The following AUTS2 variants were observed in gnomAD, a reference collection of about 807,000 sequenced individuals.
The protein encoded by AUTS2 is activator of transcription and developmental regulator AUTS2, also known as autism susceptibility gene 2 protein.
AUTS2 carries 17 observed loss-of-function variants against 112.4 expected under a neutral mutation model. The observed-to-expected ratio is 0.15, with a 90% confidence interval of 0.10 to 0.23. The LOEUF (loss-of-function observed/expected upper bound fraction) is 0.23. Among genes scored for constraint, AUTS2 ranks in the 10% least tolerant of loss-of-function variants. The probability of loss-of-function intolerance (pLI) is 1.00; values close to 1 mark genes in which losing one functional copy is unlikely to be tolerated. For missense variants in AUTS2, 1,510 were observed against 1,701.6 expected, an observed-to-expected ratio of 0.89 and a Z score of 1.98; for synonymous variants, 751 against 702.7, an observed-to-expected ratio of 1.07 and a Z score of -1.09.
chr7:70,025,690 T>A (rs1563048746), intron 2 of AUTS2, among the ~76,000 whole-genome samples: 1 of 151,534 alleles, frequency 6.6e-6, no homozygotes, highest in Non-Finnish European at 1.5e-5. Context: ...TCCTGATCTC[T>A]GGTGATCAGC....
At chr7:70,185,257 CTTTTTTTTTTTTTTTTT>C (rs35215443) in intron 4 of AUTS2, among the ~76,000 whole-genome samples, 2 of 87,090 alleles carry the variant, frequency 2.3e-5, no homozygotes, top group African/African-American at 4.6e-5. Flanking sequence ...TGACATTAAA[CTTTTTTTTTTTTTTTTT>C]TTTTTTTTTT....
chr7:70,499,373 A>C (rs1166809147), intron 5 of AUTS2, among the ~76,000 whole-genome samples: 1 of 152,214 alleles, frequency 6.6e-6, no homozygotes, highest in Non-Finnish European at 1.5e-5. Flanking sequence ...CAGCACATGC[A>C]AAGGCACAGA....
In AUTS2 at chr7:70,277,340, A is replaced by G. The variant is rs1233004666; in HGVS notation, c.660+142769A>G. On this transcript the variant is annotated intron_variant, in intron 4 of 18. Transcript: ENST00000342771. ...CTTCAGCAAGGTGAGAATGATAGATAAAGGATGGACTTTCCCCAAGAAACC... is the reference window on the plus strand; with the variant it reads ...CTTCAGCAAGGTGAGAATGATAGATGAAGGATGGACTTTCCCCAAGAAACC... Among the ~76,000 whole-genome samples, 3 of 152,230 alleles carry G rather than the reference A, an allele frequency of 2.0e-5. No homozygotes were observed. In the East Asian group the frequency reaches 5.8e-4, roughly 29 times the overall value.
At chr7:69,827,962 C>G (rs552791407) in intron 1 of AUTS2, among the ~76,000 whole-genome samples, 1 of 152,334 alleles carries the variant, frequency 6.6e-6, no homozygotes, top group African/African-American at 2.4e-5. Context: ...TTTGTAGAAA[C>G]TGCCATGCCT....
chr7:70,131,211 G>T (rs1169840572), intron 3 of AUTS2, among the ~76,000 whole-genome samples: 2 of 152,040 alleles, frequency 1.3e-5, no homozygotes, highest in Non-Finnish European at 2.9e-5. Context: ...CAACACTTGG[G>T]AAGCCGACAC....
chr7:70,040,767 A>G (rs537236351), intron 2 of AUTS2, among the ~76,000 whole-genome samples: 1 of 152,272 alleles, frequency 6.6e-6, no homozygotes, highest in East Asian at 1.9e-4. Flanking sequence ...GATACTCTCT[A>G]ATGGAGGTTA....
At chr7:70,473,748 C>T (rs905217902) in intron 5 of AUTS2, among the ~76,000 whole-genome samples, 3 of 151,056 alleles carry the variant, frequency 2.0e-5, no homozygotes, top group African/African-American at 7.3e-5. Context: ...GGAAGCGCCC[C>T]CCAGATGATG....
rs192251031 is a variant in AUTS2 at position 70,330,265 on chromosome 7, T to C, written c.661-105487T>C. 2.1e-3 allele frequency among the ~76,000 whole-genome samples: 316 copies of C among 152,366 alleles called. 4 individuals are homozygous for C. Among genetic ancestry groups the C allele is most frequent in the Non-Finnish European group, 1.4e-3 (94 of 68,038 alleles). ...AAGAGTTTTATGGCTTTAGTTTTTA[T>C]ATTTAGGCTGTTGATCCACGTTGAA... On this transcript the variant is annotated intron_variant, in intron 4 of 18. Coordinates refer to ENST00000342771, the MANE Select transcript of AUTS2 (RefSeq NM_015570.4).
intron 2 of AUTS2, among the ~76,000 whole-genome samples, chr7:70,014,360 T>C (rs1388955701): frequency 2.6e-5 from 4 of 152,218 alleles, no homozygotes; most frequent in African/African-American, 4.8e-5. Context: ...GTCTTAGCTC[T>C]TGTTTTCTTT....
In AUTS2 at chr7:70,791,178, T is replaced by G; in HGVS notation, c.*182T>G. On this transcript the variant is annotated 3_prime_UTR_variant, in exon 19 of 19. Transcript: ENST00000342771. ...ATGTTTTGTATATTATATGTTGAGA[T>G]TTTTCAGATCTTTTAGCCCAGTCAT... 1 of 573,576 alleles carries G rather than the reference T, an allele frequency of 1.7e-6. No individual in the cohort carries two copies. Among genetic ancestry groups the G allele is most frequent in the South Asian group, 8.8e-5 (1 of 11,314 alleles). The allele number at this position is 573,576 out of a possible 1,614,324, so 35.5% of individuals were successfully genotyped here. A position where few individuals can be genotyped will look rare whatever the true frequency, so the allele number is the denominator to read the frequency against.
At chr7:69,713,785 A>G (rs1798449244) in intron 1 of AUTS2, among the ~76,000 whole-genome samples, 1 of 152,046 alleles carries the variant, frequency 6.6e-6, no homozygotes, top group African/African-American at 2.4e-5. Flanking sequence ...CGTGTTCTTA[A>G]TTGAGGTGTT....
At chr7:70,264,764 G>A (rs1677210918) in intron 4 of AUTS2, among the ~76,000 whole-genome samples, 1 of 152,142 alleles carries the variant, frequency 6.6e-6, no homozygotes, top group Non-Finnish European at 1.5e-5. Flanking sequence ...GATGTCAGAA[G>A]ATGGCTACAT....
At chr7:70,078,609 T>TTA (rs1231892496) in intron 2 of AUTS2, among the ~76,000 whole-genome samples, 1 of 152,236 alleles carries the variant, frequency 6.6e-6, no homozygotes, top group Non-Finnish European at 1.5e-5. Context: ...TTGCTGTGTT[T>TTA]TATTAGGATA....
chr7:70,721,251 T>C (rs1786645517), intron 6 of AUTS2, among the ~76,000 whole-genome samples: 1 of 148,580 alleles, frequency 6.7e-6, no homozygotes, highest in Admixed American at 6.8e-5. Context: ...GCCACACGAC[T>C]GACGTGTGTG....
In AUTS2 at chr7:70,156,030, A is replaced by G. The variant is rs183913450; in HGVS notation, c.660+21459A>G. ...TGGTTTTGTCTGCTGACACGTGGGT[A>G]GTGCTGACCCAGTGTCTGACCGGAT... is the stretch of plus-strand genomic sequence containing the variant. On this transcript the variant is annotated intron_variant, in intron 4 of 18. Transcript: ENST00000342771. 1.2e-3 allele frequency among the ~76,000 whole-genome samples: 188 copies of G among 152,196 alleles called. 2 individuals carry two copies. The highest frequency in any genetic ancestry group is 4.3e-3 in the African/African-American group (178 of 41,518).
chr7:69,966,991 G>T (rs1168640913), intron 2 of AUTS2, among the ~76,000 whole-genome samples: 1 of 152,194 alleles, frequency 6.6e-6, no homozygotes, highest in African/African-American at 2.4e-5. Flanking sequence ...AGAGAAAGCT[G>T]TCCCAATTTT....
At chr7:69,921,160 A>C (rs1385068282) in intron 2 of AUTS2, among the ~76,000 whole-genome samples, 1 of 152,142 alleles carries the variant, frequency 6.6e-6, no homozygotes, top group Non-Finnish European at 1.5e-5. Context: ...TTCCTAATCA[A>C]AATAAATGCC....
chr7:70,123,997 C>T (rs1292822126), intron 3 of AUTS2, among the ~76,000 whole-genome samples: 1 of 152,156 alleles, frequency 6.6e-6, no homozygotes, highest in Non-Finnish European at 1.5e-5. Context: ...TTCTCTGCCA[C>T]CTTGCCAGCA....
chr7:70,086,159 T>G (rs140984080), intron 2 of AUTS2, among the ~76,000 whole-genome samples: 43 of 152,208 alleles, frequency 2.8e-4, no homozygotes, highest in African/African-American at 1.0e-3. Flanking sequence ...TTTGCATTTG[T>G]GTATGAATTT....
Sources: allele counts gnomAD v4.1 joint callset (sites outside exome capture counted in the v4.1 genomes callset), GRCh38; gene constraint gnomAD v4.1.1; transcripts MANE v1.5; gene names NCBI Gene and HGNC (gene_info 2026-07-23, HGNC 2026-07-21).